Variants in ZNF385D observed in about 807,000 individuals in gnomAD.
ZNF385D encodes zinc finger protein 385D.
In ZNF385D, 15 loss-of-function variants were observed where a neutral mutation model predicts 35.8. The ratio of observed to expected loss-of-function variants is 0.42; its 90% confidence interval spans 0.28 to 0.64. The LOEUF (loss-of-function observed/expected upper bound fraction) is 0.64, where lower values mean the gene tolerates loss of function less well. Ranked by LOEUF, ZNF385D falls within the 30% of genes least tolerant of loss-of-function variation. The pLI, the probability that ZNF385D is intolerant of heterozygous loss-of-function variation, is 0.23. For synonymous variants in ZNF385D, 212 were observed against 186.8 expected, an observed-to-expected ratio of 1.13 and a Z score of -1.10; for missense variants, 474 against 494.6, an observed-to-expected ratio of 0.96 and a Z score of 0.39.
chr3:21,775,805 C>T (rs116682564), intron 3 of ZNF385D, among the ~76,000 whole-genome samples: 5 of 151,868 alleles, frequency 3.3e-5, no homozygotes, highest in Non-Finnish European at 5.9e-5. Flanking sequence ...ATAGTTAGTA[C>T]ACATTTCTTT....
At chr3:22,359,857 G>A (rs1424326239) in intron 2 of ZNF385D, among the ~76,000 whole-genome samples, 2 of 151,938 alleles carry the variant, frequency 1.3e-5, no homozygotes, top group South Asian at 2.1e-4. Flanking sequence ...TTGGCCATAT[G>A]ACTATTTTTT....
chr3:21,729,322 T>C (rs2125479719), intron 1 of ZNF385D, among the ~76,000 whole-genome samples: 1 of 152,316 alleles, frequency 6.6e-6, no homozygotes, highest in South Asian at 2.1e-4. Context: ...TAAATATTGA[T>C]TTGCTAGTCT....
chr3:21,610,647 C>T (rs926711529), intron 2 of ZNF385D, among the ~76,000 whole-genome samples: 1 of 151,748 alleles, frequency 6.6e-6, no homozygotes, highest in Non-Finnish European at 1.5e-5. Flanking sequence ...TGGTGGCGGG[C>T]GCCTGTGGTC....
chr3:21,890,072 A>G (rs539034310), intron 3 of ZNF385D, among the ~76,000 whole-genome samples: 1 of 152,296 alleles, frequency 6.6e-6, no homozygotes, highest in South Asian at 2.1e-4. Context: ...ATCTGCAAAT[A>G]ACATCAAATT....
At chr3:22,284,702 A>G (rs903134817) in intron 2 of ZNF385D, among the ~76,000 whole-genome samples, 2 of 152,094 alleles carry the variant, frequency 1.3e-5, no homozygotes, top group African/African-American at 4.8e-5. Context: ...CTATCCAAAC[A>G]CAGCCTCTTC....
chr3:22,145,587 G>A (rs1478014232), intron 3 of ZNF385D, among the ~76,000 whole-genome samples: 1 of 152,184 alleles, frequency 6.6e-6, no homozygotes, highest in Non-Finnish European at 1.5e-5. Context: ...CTAAAGGAAT[G>A]AATGACTCTA....
At chr3:21,546,836 G>GC (rs34082510) in intron 3 of ZNF385D, among the ~76,000 whole-genome samples, 10 of 151,220 alleles carry the variant, frequency 6.6e-5, no homozygotes, top group South Asian at 4.2e-4. Flanking sequence ...CTATTCTCTA[G>GC]CCCCCCCCGC....
intron 3 of ZNF385D, among the ~76,000 whole-genome samples, chr3:21,869,541 GGCACCA>G (rs1177733058): frequency 6.6e-6 from 1 of 152,036 alleles, no homozygotes; most frequent in Admixed American, 6.6e-5. Flanking sequence ...AAGTTGAACA[GGCACCA>G]TTAAACTATT....
intron 3 of ZNF385D, among the ~76,000 whole-genome samples, chr3:21,762,530 T>C (rs1036647643): frequency 3.3e-5 from 5 of 152,176 alleles, no homozygotes; most frequent in African/African-American, 1.2e-4. Context: ...ACTTGGATCT[T>C]ACTAGTTCTC....
intron 3 of ZNF385D, among the ~76,000 whole-genome samples, chr3:21,937,118 A>G (rs1248459227): frequency 6.6e-6 from 1 of 152,184 alleles, no homozygotes; most frequent in East Asian, 1.9e-4. Context: ...GAAAAAAAAT[A>G]TTTTTTGAGA....
chr3:22,084,383 G>A (rs1244378053), intron 3 of ZNF385D, among the ~76,000 whole-genome samples: 3 of 152,102 alleles, frequency 2.0e-5, no homozygotes, highest in Admixed American at 6.5e-5. Context: ...GATGGAGGAA[G>A]ATCTACCAAG....
chr3:21,861,332 A>T (rs1559699931), intron 3 of ZNF385D, among the ~76,000 whole-genome samples: 1 of 152,104 alleles, frequency 6.6e-6, no homozygotes, highest in African/African-American at 2.4e-5. Context: ...AGTTAGTGGA[A>T]TTTTTTATTT....
chr3:22,070,464 A>T (rs528754892), intron 3 of ZNF385D, among the ~76,000 whole-genome samples: 1 of 152,262 alleles, frequency 6.6e-6, no homozygotes, highest in South Asian at 2.1e-4. Context: ...GTATTTTATA[A>T]GAGAGAGTTG....
At chr3:21,837,669 C>A (rs1214319987) in intron 3 of ZNF385D, among the ~76,000 whole-genome samples, 3 of 151,956 alleles carry the variant, frequency 2.0e-5, no homozygotes, top group Non-Finnish European at 4.4e-5. Context: ...GTTAAGAGAT[C>A]AAGGTCATCC....
rs192978473 is a variant in ZNF385D, at chr3:21,731,962, C to G, written c.22+18933G>C. 9.5e-4 allele frequency among the ~76,000 whole-genome samples: 134 copies of G among 141,580 alleles called. 3 individuals carry two copies. The highest frequency in any genetic ancestry group is 3.5e-3 in the African/African-American group (132 of 37,618). 92.9% of individuals were successfully genotyped at this position (141,580 alleles called of 152,430 possible). On this transcript the variant is annotated intron_variant, in intron 1 of 7. Coordinates refer to ENST00000281523, the MANE Select transcript of ZNF385D (RefSeq NM_024697.3). ...AATCCATTTATCTACTGAAGAGCAT[C>G]TTAGTTGCTTCCAAGTTTTGGCACT... is the stretch of plus-strand genomic sequence containing the variant.
At chr3:21,934,058 T>G (rs1701145165) in intron 3 of ZNF385D, among the ~76,000 whole-genome samples, 1 of 152,084 alleles carries the variant, frequency 6.6e-6, no homozygotes, top group Non-Finnish European at 1.5e-5. Flanking sequence ...AAATGAAAAT[T>G]TAGAAAGAAA....
At chr3:21,848,221 T>C (rs984242102) in intron 3 of ZNF385D, among the ~76,000 whole-genome samples, 2 of 152,080 alleles carry the variant, frequency 1.3e-5, no homozygotes, top group Admixed American at 6.6e-5. Flanking sequence ...TCTATGTGTA[T>C]ACCACATTTT....
chr3:21,584,496 G>C (rs994602038), intron 2 of ZNF385D, among the ~76,000 whole-genome samples: 1 of 152,156 alleles, frequency 6.6e-6, no homozygotes. Flanking sequence ...AAAAGGCCGA[G>C]AAGCTATTAG....
chr3:22,311,749 C>T (rs972771088), intron 2 of ZNF385D, among the ~76,000 whole-genome samples: 1 of 152,156 alleles, frequency 6.6e-6, no homozygotes, highest in Non-Finnish European at 1.5e-5. Flanking sequence ...CCTATTACGA[C>T]ACAAATCTAG....
Sources: gnomAD v4.1 joint callset for allele counts (sites outside exome capture counted in the v4.1 genomes callset) on GRCh38, gnomAD v4.1.1 for gene constraint, MANE v1.5 for transcripts, NCBI Gene and HGNC (gene_info 2026-07-23, HGNC 2026-07-21) for gene names.